The following GABRB1 variants were observed in gnomAD, a reference collection of about 807,000 sequenced individuals.
The protein encoded by GABRB1 is gamma-aminobutyric acid type A receptor subunit beta1.
GABRB1 carries 17 observed loss-of-function variants against 51.6 expected under a neutral mutation model. The ratio of observed to expected loss-of-function variants is 0.33; its 90% CI spans 0.23 to 0.49. GABRB1 has a LOEUF of 0.49. Ranked by LOEUF, GABRB1 falls within the 20% of genes least tolerant of loss-of-function variation. The pLI, the probability that GABRB1 is intolerant of heterozygous loss-of-function variation, is 0.99. For synonymous variants in GABRB1, 247 were observed against 218.9 expected (o/e 1.13, Z -1.14); for missense variants, 410 against 600.6 (o/e 0.68, Z 3.32).
chr4:47,381,956 C>G (rs1052121748), intron 5 of GABRB1, among the ~76,000 whole-genome samples: 2 of 152,202 alleles, frequency 1.3e-5, no homozygotes, highest in South Asian at 2.1e-4. Flanking sequence ...ATCCTCCCCC[C>G]TCCAAGTAGT....
chr4:47,104,084 A>T (rs1273226464), intron 3 of GABRB1, among the ~76,000 whole-genome samples: 1 of 151,866 alleles, frequency 6.6e-6, no homozygotes, highest in African/African-American at 2.4e-5. Context: ...GTGCAAGAGT[A>T]GTGGTAATAA....
At chr4:47,295,118 C>T (rs569692618) in intron 4 of GABRB1, among the ~76,000 whole-genome samples, 45 of 152,242 alleles carry the variant, frequency 3.0e-4, no homozygotes, top group Non-Finnish European at 5.3e-4. Context: ...ACATCACCAT[C>T]GTCAAAGACC....
chr4:47,278,365 C>G (rs2109903316), intron 4 of GABRB1, among the ~76,000 whole-genome samples: 1 of 152,176 alleles, frequency 6.6e-6, no homozygotes, highest in African/African-American at 2.4e-5. Flanking sequence ...GAAATGCATG[C>G]CAAAGAACAT....
chr4:47,054,151 GTT>G (rs10709198), intron 3 of GABRB1, among the ~76,000 whole-genome samples: 4 of 150,774 alleles, frequency 2.7e-5, no homozygotes, highest in Non-Finnish European at 5.9e-5. Context: ...CATTTACCAA[GTT>G]TTTTTTTTCT....
intron 4 of GABRB1, among the ~76,000 whole-genome samples, chr4:47,315,407 A>T (rs376338837): frequency 2.8e-4 from 43 of 152,130 alleles, no homozygotes; most frequent in African/African-American, 9.9e-4. Flanking sequence ...TGCAGAGAAA[A>T]AGGAAAATTT....
chr4:47,345,240 G>A (rs888825269), intron 5 of GABRB1, among the ~76,000 whole-genome samples: 2 of 152,088 alleles, frequency 1.3e-5, no homozygotes, highest in African/African-American at 4.8e-5. Context: ...TATAGGCTGG[G>A]TGGGCCCTTG....
At chr4:47,027,521 G>A (rs1560500813), upstream of GABRB1, among the ~76,000 whole-genome samples, 2 of 151,374 alleles carry the variant, frequency 1.3e-5, no homozygotes, top group Non-Finnish European at 3.0e-5. Context: ...TAAATAGCTG[G>A]CTATTAATAT....
chr4:47,328,614 G>C (rs1394237135), intron 5 of GABRB1, among the ~76,000 whole-genome samples: 2 of 152,154 alleles, frequency 1.3e-5, no homozygotes, highest in Non-Finnish European at 2.9e-5. Flanking sequence ...CATATCCTTT[G>C]TAGGGACATG....
chr4:47,338,309 C>T (rs1201579395), intron 5 of GABRB1, among the ~76,000 whole-genome samples: 1 of 152,086 alleles, frequency 6.6e-6, no homozygotes, highest in Admixed American at 6.6e-5. Flanking sequence ...GTGCACATGC[C>T]TTTTCTGACA....
chr4:47,316,250 T>C (rs1329750812), intron 4 of GABRB1, among the ~76,000 whole-genome samples: 1 of 151,786 alleles, frequency 6.6e-6, no homozygotes, highest in African/African-American at 2.4e-5. Flanking sequence ...CACTCCCTTT[T>C]TTAGGTCTTT....
intron 4 of GABRB1, among the ~76,000 whole-genome samples, chr4:47,306,938 T>A (rs1272718262): frequency 6.6e-6 from 1 of 152,194 alleles, no homozygotes; most frequent in Non-Finnish European, 1.5e-5. Flanking sequence ...GGAACATCTC[T>A]ACTTACGTTT....
At chr4:47,377,559 C>T (rs535201601) in intron 5 of GABRB1, among the ~76,000 whole-genome samples, 2 of 152,104 alleles carry the variant, frequency 1.3e-5, no homozygotes, top group South Asian at 4.2e-4. Flanking sequence ...AAGAACAAAG[C>T]TTCCATAGTC....
chr4:47,007,624 C>A (rs1338927023), intron 1 of GABRB1, among the ~76,000 whole-genome samples: 8 of 151,916 alleles, frequency 5.3e-5, no homozygotes, highest in South Asian at 2.1e-4. Context: ...TTAAAGCATG[C>A]CAAATAAAGA....
chr4:47,083,733 C>T (rs1727949671), intron 3 of GABRB1, among the ~76,000 whole-genome samples: 1 of 152,134 alleles, frequency 6.6e-6, no homozygotes, highest in Admixed American at 6.6e-5. Flanking sequence ...ATTATGGCTC[C>T]TATCTTTGGA....
chr4:47,410,162 GA>G (rs1199895737), intron 8 of GABRB1, among the ~76,000 whole-genome samples: 1 of 152,156 alleles, frequency 6.6e-6, no homozygotes, highest in African/African-American at 2.4e-5. Flanking sequence ...GCTTAAAGGA[GA>G]TTTTTTTAAA....
At position 47,169,651 on chromosome 4, in the gene GABRB1, G is replaced by A. The variant is rs972444938; in HGVS notation, c.461+8182G>A. ...CGAGTAGCTGGGATTACAGGCACGT[G>A]CCACCGCACCCAGCTAATTTTTTGT... On this transcript the variant is annotated intron_variant, in intron 4 of 8. Transcript: ENST00000295454. Among the ~76,000 whole-genome samples, 5 of 152,192 alleles carry A rather than the reference G, an allele frequency of 3.3e-5. No homozygotes were observed. The East Asian group carries it at 9.7e-4, about 29-fold the overall frequency.
At chr4:47,259,385 T>G (rs1036836391) in intron 4 of GABRB1, among the ~76,000 whole-genome samples, 23 of 152,162 alleles carry the variant, frequency 1.5e-4, no homozygotes, top group South Asian at 4.1e-4. Flanking sequence ...TGTCTCTAAA[T>G]CAAGTAAGTG....
At chr4:47,046,230 T>C (rs917708356) in intron 3 of GABRB1, among the ~76,000 whole-genome samples, 4 of 152,088 alleles carry the variant, frequency 2.6e-5, no homozygotes, top group African/African-American at 9.7e-5. Context: ...CAATGTCAGA[T>C]ATTTCTTCAT....
chr4:47,399,079 G>C (rs1037682057), intron 5 of GABRB1, among the ~76,000 whole-genome samples: 5 of 152,162 alleles, frequency 3.3e-5, no homozygotes, highest in Non-Finnish European at 5.9e-5. Context: ...CGTGAGCCAC[G>C]GCACCTGGCC....
Sources: gnomAD v4.1 joint callset for allele counts (sites outside exome capture counted in the v4.1 genomes callset) on GRCh38, gnomAD v4.1.1 for gene constraint, MANE v1.5 for transcripts, NCBI Gene and HGNC (gene_info 2026-07-23, HGNC 2026-07-21) for gene names.